Variants in KCNK10 observed in about 807,000 individuals in gnomAD.
The protein encoded by KCNK10 is potassium two pore domain channel subfamily K member 10, also known as potassium channel subfamily K member 10.
A neutral mutation model predicts 47.7 loss-of-function variants in KCNK10; 25 were observed. That is an observed-to-expected ratio of 0.52 (90% CI 0.38 to 0.73). The LOEUF (loss-of-function observed/expected upper bound fraction) is 0.73. KCNK10 is among the 30% of genes least tolerant of loss of function. The pLI is 0.00. For missense variants in KCNK10, 563 were observed against 714.5 expected (o/e 0.79, Z 2.42); for synonymous variants, 303 against 285.6 (o/e 1.06, Z -0.61).
At chr14:88,278,918 T>G (rs1887586383) in intron 1 of KCNK10, among the ~76,000 whole-genome samples, 1 of 152,172 alleles carries the variant, frequency 6.6e-6, no homozygotes, top group African/African-American at 2.4e-5. Context: ...TGGGAGATTT[T>G]TAATGGCCCC....
chr14:88,223,306 A>G (rs898914596), intron 4 of KCNK10, among the ~76,000 whole-genome samples: 2 of 140,394 alleles, frequency 1.4e-5, no homozygotes, highest in Non-Finnish European at 3.1e-5. Context: ...TCCTTTAAAA[A>G]CCTTTTTTTT....
chr14:88,290,004 CT>C (rs1410864523), intron 1 of KCNK10, among the ~76,000 whole-genome samples: 1 of 152,212 alleles, frequency 6.6e-6, no homozygotes, highest in Non-Finnish European at 1.5e-5. Context: ...TACAGGACAA[CT>C]TTTTAAATAA....
At chr14:88,254,028 G>C (rs1435019191) in intron 2 of KCNK10, among the ~76,000 whole-genome samples, 1 of 152,106 alleles carries the variant, frequency 6.6e-6, no homozygotes, top group Non-Finnish European at 1.5e-5. Context: ...AAGCAGGTGG[G>C]AAGAGACCCC....
intron 4 of KCNK10, among the ~76,000 whole-genome samples, chr14:88,197,518 G>A (rs193194641): frequency 3.0e-4 from 38 of 126,336 alleles, no homozygotes; most frequent in South Asian, 1.7e-3. Context: ...AGGTTGCAGC[G>A]AGCCAAGATT....
At chr14:88,199,195 C>T (rs1362083810) in intron 4 of KCNK10, among the ~76,000 whole-genome samples, 1 of 152,154 alleles carries the variant, frequency 6.6e-6, no homozygotes, top group Non-Finnish European at 1.5e-5. Flanking sequence ...GCTGGGATTA[C>T]AGGCGTGAGC....
chr14:88,185,945 G>A lies in KCNK10; in HGVS notation c.1222C>T (p.Leu408=), dbSNP rs1163422798. 2.5e-6 allele frequency: 4 copies of A among 1,613,836 alleles called. No homozygotes were observed. Among genetic ancestry groups the A allele is most frequent in the East Asian group, 2.2e-5 (1 of 44,870 alleles). Reference sequence around the variant, plus strand: ...GAGGCCTTGAAGCGGCCGGTGTCCAGGGCAGCAAAGACAGAGCGCTTCTCG... The same window carrying A: ...GAGGCCTTGAAGCGGCCGGTGTCCAAGGCAGCAAAGACAGAGCGCTTCTCG... ...SPEKRSVFAA[L]DTGRFKASSQ... Residue 408 remains leucine, a synonymous_variant, in exon 7 of 7, where the codon CTG becomes TTG. Coordinates refer to ENST00000319231, the MANE Select transcript of KCNK10 (RefSeq NM_138317.3). This position sits in a 1 kb window ranked among gnomAD's most constrained non-coding sequence, Gnocchi z 4.3.
intron 1 of KCNK10, among the ~76,000 whole-genome samples, chr14:88,299,709 T>A (rs774262836): frequency 1.3e-5 from 2 of 152,160 alleles, no homozygotes; most frequent in Non-Finnish European, 2.9e-5. Context: ...TACTAGTGCT[T>A]GGGGTAAGGC....
At chr14:88,298,570 C>T (rs1262256526) in intron 1 of KCNK10, among the ~76,000 whole-genome samples, 1 of 152,200 alleles carries the variant, frequency 6.6e-6, no homozygotes, top group Non-Finnish European at 1.5e-5. Context: ...GTCCTCAGCC[C>T]TCTCAGTGAC....
chr14:88,260,812 G>A lies in KCNK10; in HGVS notation c.402+2390C>T, dbSNP rs1316607536. 2.6e-5 allele frequency among the ~76,000 whole-genome samples: 4 copies of A among 152,092 alleles called. No homozygotes were observed. The highest frequency in any genetic ancestry group is 6.5e-5 in the Admixed American group (1 of 15,270). ...ATAAAATTATCTTAAATGCACACAC[G>A]TGTGTATGTGCAAACACATTCACAC... On this transcript the variant is annotated intron_variant, in intron 2 of 6. Coordinates refer to ENST00000319231, the MANE Select transcript of KCNK10 (RefSeq NM_138317.3). The surrounding 1 kb of genome is among the most constrained non-coding windows in gnomAD (Gnocchi z 4.5).
At chr14:88,325,702 A>C (rs1008568714), upstream of KCNK10, among the ~76,000 whole-genome samples, 8 of 152,082 alleles carry the variant, frequency 5.3e-5, no homozygotes, top group African/African-American at 9.7e-5. Flanking sequence ...CCTCCTTTGC[A>C]AAATGAACTG....
At chr14:88,288,353 T>C (rs1887810360) in intron 1 of KCNK10, among the ~76,000 whole-genome samples, 1 of 152,180 alleles carries the variant, frequency 6.6e-6, no homozygotes, top group African/African-American at 2.4e-5. Flanking sequence ...CCTAGGCTTG[T>C]GCATCTCAAT....
At chr14:88,189,981 G>A (rs993438501) in intron 5 of KCNK10, among the ~76,000 whole-genome samples, 10 of 152,136 alleles carry the variant, frequency 6.6e-5, no homozygotes, top group Admixed American at 6.5e-4. Flanking sequence ...AGAAACCTCA[G>A]GACAAAGGAA....
intron 4 of KCNK10, among the ~76,000 whole-genome samples, chr14:88,220,143 C>T (rs59264006): frequency 0.06 from 9,074 of 152,146 alleles, 557 homozygotes; most frequent in East Asian, 0.24. Context: ...CGTGGCCGGG[C>T]GCGGTGGCTC....
intron 1 of KCNK10, among the ~76,000 whole-genome samples, chr14:88,280,016 G>A (rs1887614377): frequency 6.6e-6 from 1 of 152,172 alleles, no homozygotes; most frequent in Non-Finnish European, 1.5e-5. Context: ...ATGCGGAACT[G>A]TAAGTCCAAT....
intron 1 of KCNK10, among the ~76,000 whole-genome samples, chr14:88,321,568 T>C (rs1238046615): frequency 2.0e-5 from 3 of 152,296 alleles, no homozygotes; most frequent in South Asian, 2.1e-4. Context: ...CACACCTCCA[T>C]ATTTCCAGAG....
intron 1 of KCNK10, among the ~76,000 whole-genome samples, chr14:88,307,668 A>G (rs548427750): frequency 2.0e-4 from 31 of 152,342 alleles, no homozygotes; most frequent in African/African-American, 6.7e-4. Flanking sequence ...TCCTTGTTAC[A>G]TGAAGATCCT....
intron 4 of KCNK10, among the ~76,000 whole-genome samples, chr14:88,193,017 C>T (rs895893738): frequency 1.3e-5 from 2 of 152,214 alleles, no homozygotes; most frequent in Non-Finnish European, 2.9e-5. Flanking sequence ...CCTGCTGAGG[C>T]TGTACATTTA....
chr14:88,263,492 G>T lies in KCNK10; in HGVS notation c.112C>A (p.Pro38Thr). ...GGAGTTGGAGTCGGAGCCGGAGCCG[G>T]GGGTTGCCCGTTAGTGGCGCTCTTG... ...QPKSATNGQP[P>T]APAPTPTPRL... Residue 38 changes from proline (P) to threonine (T), a missense_variant, in exon 2 of 7, where the codon CCG (proline) becomes ACG (threonine). Physicochemically the swap from Pro to Thr is conservative, Grantham distance 38. Coordinates refer to ENST00000319231, the MANE Select transcript of KCNK10 (RefSeq NM_138317.3). The T allele has an allele frequency of 6.2e-7, 1 of 1,613,748 alleles. No homozygotes were observed. The highest frequency in any genetic ancestry group is 8.5e-7 in the Non-Finnish European group (1 of 1,180,032).
At chr14:88,217,467 A>G (rs1465034105) in intron 4 of KCNK10, among the ~76,000 whole-genome samples, 1 of 152,260 alleles carries the variant, frequency 6.6e-6, no homozygotes, top group Non-Finnish European at 1.5e-5. Flanking sequence ...TGGAAACTGT[A>G]GCTGAACCTA....
Sources: allele counts gnomAD v4.1 joint callset (sites outside exome capture counted in the v4.1 genomes callset), GRCh38; gene constraint gnomAD v4.1.1; non-coding constraint Gnocchi (gnomAD v3.1); transcripts MANE v1.5; gene names NCBI Gene and HGNC (gene_info 2026-07-23, HGNC 2026-07-21).